Variants in ARHGAP44 observed in about 807,000 individuals in gnomAD.
ARHGAP44 encodes rho GTPase-activating protein 44.
ARHGAP44 carries 43 observed loss-of-function variants against 106.8 expected under a neutral mutation model. The ratio of observed to expected loss-of-function variants is 0.40; its 90% CI spans 0.32 to 0.52. The LOEUF (loss-of-function observed/expected upper bound fraction) is 0.52. ARHGAP44 is among the 20% of genes least tolerant of loss of function. ARHGAP44 has a pLI of 0.48. For missense variants in ARHGAP44, 866 were observed against 1,050.5 expected (o/e 0.82, Z 2.43); for synonymous variants, 439 against 410.3 (o/e 1.07, Z -0.85).
intron 1 of ARHGAP44, among the ~76,000 whole-genome samples, chr17:12,882,069 A>G (rs1004480714): frequency 3.9e-5 from 6 of 152,116 alleles, no homozygotes; most frequent in African/African-American, 1.4e-4. Flanking sequence ...ATTTAATTGA[A>G]GCTGCATTGC....
Position 12,949,644 on chromosome 17 carries a change from C to T in ARHGAP44, c.974-5C>T. On this transcript the variant is annotated splice_region_variant and splice_polypyrimidine_tract_variant and intron_variant, in intron 11 of 20. Transcript: ENST00000379672. This position sits in a 1 kb window ranked among gnomAD's most constrained non-coding sequence, Gnocchi z 4.1. Reference sequence around the variant, plus strand: ...GTTCACAACCAATATTTCATTCATGCCTAGGAGCTTTGAAATCTTACCTCC... The same window carrying T: ...GTTCACAACCAATATTTCATTCATGTCTAGGAGCTTTGAAATCTTACCTCC... 1 of 1,613,410 alleles carries T rather than the reference C, an allele frequency of 6.2e-7. No individual in the cohort carries two copies. The highest frequency in any genetic ancestry group is 8.5e-7 in the Non-Finnish European group (1 of 1,179,530).
At chr17:12,813,217 T>G (rs1436634118) in intron 1 of ARHGAP44, among the ~76,000 whole-genome samples, 1 of 152,202 alleles carries the variant, frequency 6.6e-6, no homozygotes, top group Non-Finnish European at 1.5e-5. Context: ...ATTGAACGGT[T>G]TTCTCACAAC....
chr17:12,881,867 A>AT (rs944860961), intron 1 of ARHGAP44, among the ~76,000 whole-genome samples: 2 of 151,802 alleles, frequency 1.3e-5, no homozygotes, highest in African/African-American at 4.8e-5. Flanking sequence ...CTATGTTTTC[A>AT]TTTTTGTAAG....
At chr17:12,805,512 C>T (rs1453113514) in intron 1 of ARHGAP44, among the ~76,000 whole-genome samples, 1 of 152,060 alleles carries the variant, frequency 6.6e-6, no homozygotes, top group East Asian at 1.9e-4. Context: ...TTTTTCTGTA[C>T]TAACAAGAAT....
chr17:12,956,213 G>C (rs188902982), intron 14 of ARHGAP44, among the ~76,000 whole-genome samples: 1 of 152,236 alleles, frequency 6.6e-6, no homozygotes, highest in East Asian at 1.9e-4. Flanking sequence ...TCTTCTCTGA[G>C]CTAATTAAGT....
intron 1 of ARHGAP44, among the ~76,000 whole-genome samples, chr17:12,838,627 G>A (rs9893431): frequency 0.22 from 33,309 of 151,982 alleles, 4,122 homozygotes; most frequent in African/African-American, 0.33. Flanking sequence ...TAGTTTGAGT[G>A]CAGGAAGATT....
chr17:12,896,582 C>T (rs1213208878), intron 3 of ARHGAP44, 71 bp downstream of exon 3: 28 of 1,312,934 alleles, frequency 2.1e-5, no homozygotes, highest in Non-Finnish European at 1.8e-5. Context: ...TCCTGTGACA[C>T]TCCTGGATGT....
chr17:12,802,632 G>A (rs548652734), intron 1 of ARHGAP44, among the ~76,000 whole-genome samples: 2 of 151,560 alleles, frequency 1.3e-5, no homozygotes, highest in Non-Finnish European at 2.9e-5. Context: ...AACATACCCA[G>A]TTGTTGACCA....
intron 1 of ARHGAP44, among the ~76,000 whole-genome samples, chr17:12,822,798 G>A (rs528272650): frequency 1.3e-5 from 2 of 152,256 alleles, no homozygotes; most frequent in East Asian, 1.9e-4. Context: ...TCTGAGGCTG[G>A]ACTTAGGTAA....
chr17:12,869,236 C>T (rs1017830068), intron 1 of ARHGAP44, among the ~76,000 whole-genome samples: 4 of 151,902 alleles, frequency 2.6e-5, no homozygotes, highest in African/African-American at 9.7e-5. Flanking sequence ...AAGAAAATTC[C>T]CATTTTAGGA....
At chr17:12,926,543 TATATA>T (rs2038253561) in intron 6 of ARHGAP44, among the ~76,000 whole-genome samples, 1 of 138,564 alleles carries the variant, frequency 7.2e-6, no homozygotes, top group Admixed American at 7.3e-5. Flanking sequence ...ACATATATAT[TATATA>T]TATAACATTG....
In ARHGAP44 at chr17:12,949,677, G is replaced by A. The variant is rs373346673; in HGVS notation, c.1002G>A (p.Leu334=). 3.5e-5 allele frequency: 56 copies of A among 1,613,600 alleles called. 1 individual carries two copies. In the African/African-American group the frequency reaches 5.3e-4, roughly 15 times the overall value. ...AGALKSYLRE[L]PEPLMTFELY... ...CTTTGAAATCTTACCTCCGAGAGTT[G>A]CCAGAACCTCTTATGACCTTTGAAC... The change falls in exon 12 of 21, where the codon TTG becomes TTA. Residue 334 remains leucine, a synonymous_variant. Transcript: ENST00000379672. The surrounding 1 kb of genome is among the most constrained non-coding windows in gnomAD (Gnocchi z 4.1).
intron 1 of ARHGAP44, among the ~76,000 whole-genome samples, chr17:12,843,263 C>G (rs1052309636): frequency 6.6e-6 from 1 of 152,162 alleles, no homozygotes; most frequent in Non-Finnish European, 1.5e-5. Flanking sequence ...GTTTCTCCCC[C>G]CACCTCCCCA....
chr17:12,934,235 T>C (rs2038482229), intron 7 of ARHGAP44, among the ~76,000 whole-genome samples: 1 of 152,168 alleles, frequency 6.6e-6, no homozygotes, highest in Non-Finnish European at 1.5e-5. Flanking sequence ...GTATCTCTTC[T>C]TTTCCATTTT....
intron 17 of ARHGAP44, 26 bp downstream of exon 17, chr17:12,973,345 G>T (rs746738365): frequency 3.1e-6 from 5 of 1,603,400 alleles, no homozygotes; most frequent in Non-Finnish European, 3.4e-6. Flanking sequence ...GTAGCTATGA[G>T]GCCATGCTCA....
chr17:12,823,255 A>T (rs1308687087), intron 1 of ARHGAP44, among the ~76,000 whole-genome samples: 1 of 152,190 alleles, frequency 6.6e-6, no homozygotes, highest in Non-Finnish European at 1.5e-5. Flanking sequence ...ACTCTAACGC[A>T]GGTTGGTACC....
chr17:12,872,613 G>A (rs1245395224), intron 1 of ARHGAP44, among the ~76,000 whole-genome samples: 14 of 152,128 alleles, frequency 9.2e-5, no homozygotes, highest in Admixed American at 8.5e-4. Context: ...GATAAATTCT[G>A]TTACTGGTTA....
At chr17:12,923,154 T>C (rs955715438) in intron 6 of ARHGAP44, among the ~76,000 whole-genome samples, 1 of 152,210 alleles carries the variant, frequency 6.6e-6, no homozygotes, top group African/African-American at 2.4e-5. Flanking sequence ...TGATTTTTCA[T>C]AGCCCACTTT....
chr17:12,857,017 C>T (rs943646368), intron 1 of ARHGAP44, among the ~76,000 whole-genome samples: 1 of 152,030 alleles, frequency 6.6e-6, no homozygotes, highest in South Asian at 2.1e-4. Context: ...TCTCTCTTCC[C>T]ACCTCTTGCC....
Sources: gnomAD v4.1 joint callset for allele counts (sites outside exome capture counted in the v4.1 genomes callset) on GRCh38, gnomAD v4.1.1 for gene constraint, Gnocchi (gnomAD v3.1) non-coding constraint, MANE v1.5 for transcripts, NCBI Gene and HGNC (gene_info 2026-07-23, HGNC 2026-07-21) for gene names.